CFAP299: variants seen among roughly 807,000 people sequenced by gnomAD.
The protein encoded by CFAP299 is cilia and flagella associated protein 299, also known as cilia- and flagella-associated protein 299.
Under a neutral mutation model 27.0 loss-of-function variants are expected in CFAP299, and 21 were observed. The ratio of observed to expected loss-of-function variants is 0.78; its 90% CI spans 0.55 to 1.12. The LOEUF (loss-of-function observed/expected upper bound fraction) is 1.12. Ranked by LOEUF, CFAP299 falls within the 50% of genes most tolerant of loss-of-function variation. The probability of loss-of-function intolerance (pLI) is 0.00; values close to 1 mark genes in which losing one functional copy is unlikely to be tolerated. For missense variants in CFAP299, 310 were observed against 276.6 expected, an observed-to-expected ratio of 1.12 and a Z score of -0.86; for synonymous variants, 104 against 98.1, an observed-to-expected ratio of 1.06 and a Z score of -0.36.
intron 3 of CFAP299, among the ~76,000 whole-genome samples, chr4:80,683,435 G>C (rs962522937): frequency 2.2e-4 from 33 of 152,040 alleles, no homozygotes; most frequent in African/African-American, 7.2e-4. Flanking sequence ...TCATTTCCAA[G>C]GGATGTTTAA....
intron 2 of CFAP299, among the ~76,000 whole-genome samples, chr4:80,561,032 G>A (rs1392512243): frequency 2.0e-5 from 3 of 152,152 alleles, no homozygotes; most frequent in Non-Finnish European, 2.9e-5. Flanking sequence ...CTGGCTTCAG[G>A]TCTGATGCAG....
intron 4 of CFAP299, among the ~76,000 whole-genome samples, chr4:80,900,123 A>AGTGT (rs3038537): frequency 0.079 from 10,975 of 139,626 alleles, 507 homozygotes; most frequent in East Asian, 0.11. Flanking sequence ...AGTGGAAGAA[A>AGTGT]GTGTGTGTGT....
At chr4:80,382,249 C>A (rs1724737915) in intron 2 of CFAP299, among the ~76,000 whole-genome samples, 1 of 152,082 alleles carries the variant, frequency 6.6e-6, no homozygotes, top group African/African-American at 2.4e-5. Flanking sequence ...ATAAAATGGG[C>A]AAATATTTCA....
chr4:80,608,457 C>A, intron 3 of CFAP299: 1 of 821,660 alleles, frequency 1.2e-6, no homozygotes, highest in Non-Finnish European at 2.0e-6. Flanking sequence ...ATATATACTC[C>A]ACTCCAAGGG....
intron 3 of CFAP299, among the ~76,000 whole-genome samples, chr4:80,820,420 G>A (rs931251929): frequency 1.2e-4 from 18 of 152,176 alleles, no homozygotes; most frequent in African/African-American, 4.3e-4. Context: ...AGGAGTAAAG[G>A]AGAGATGGAT....
chr4:80,959,500 A>C (rs886434656), intron 5 of CFAP299, among the ~76,000 whole-genome samples: 29 of 152,220 alleles, frequency 1.9e-4, no homozygotes, highest in African/African-American at 6.5e-4. Context: ...AGTAAAGCAG[A>C]AAGGGCAATG....
chr4:80,625,249 G>A (rs146848446), intron 3 of CFAP299, among the ~76,000 whole-genome samples: 137 of 152,096 alleles, frequency 9.0e-4, no homozygotes, highest in Non-Finnish European at 1.6e-3. Flanking sequence ...GGTTTGGGGA[G>A]TGGAGTAAAA....
chr4:80,934,511 A>G (rs1244030397), intron 4 of CFAP299, among the ~76,000 whole-genome samples: 1 of 151,766 alleles, frequency 6.6e-6, no homozygotes, highest in African/African-American at 2.4e-5. Context: ...GTTTGGAAGC[A>G]TTCACAAGTG....
chr4:80,876,072 G>T lies in CFAP299; in HGVS notation c.476+5937G>T, dbSNP rs1432250885. On this transcript the variant is annotated intron_variant, in intron 4 of 5. Coordinates refer to ENST00000358105, the MANE Select transcript of CFAP299 (RefSeq NM_152770.3). ...ATGATGTTAACTGAGCACTTACTGTGCATAGTACTAATTAATAACTAAAGC... is the reference window on the plus strand; with the variant it reads ...ATGATGTTAACTGAGCACTTACTGTTCATAGTACTAATTAATAACTAAAGC... Among the ~76,000 whole-genome samples the T allele has an allele frequency of 2.0e-5, 3 of 151,080 alleles. No individual in the cohort carries two copies. The East Asian group carries it at 5.8e-4, about 29-fold the overall frequency.
rs1369143485 is a variant in CFAP299, at chr4:80,691,446, A to C, written c.333+108263A>C. Among the ~76,000 whole-genome samples the C allele has an allele frequency of 2.0e-5, 3 of 151,850 alleles. No individual in the cohort carries two copies. In the South Asian group the frequency reaches 6.3e-4, roughly 32 times the overall value. On this transcript the variant is annotated intron_variant, in intron 3 of 5. Coordinates refer to ENST00000358105, the MANE Select transcript of CFAP299 (RefSeq NM_152770.3). ...AAACAGAACCAAAGACAAAAACCAC[A>C]TGATTATCTCAATAGATGCAGAAAA...
At chr4:80,951,691 G>A (rs1008834563) in intron 5 of CFAP299, among the ~76,000 whole-genome samples, 1 of 152,084 alleles carries the variant, frequency 6.6e-6, no homozygotes, top group Non-Finnish European at 1.5e-5. Flanking sequence ...GCCTCTTCAG[G>A]TAACCCTAAA....
At chr4:80,731,550 A>G (rs1560722230) in intron 3 of CFAP299, among the ~76,000 whole-genome samples, 2 of 152,122 alleles carry the variant, frequency 1.3e-5, no homozygotes, top group South Asian at 4.1e-4. Flanking sequence ...TTTTGTTTTC[A>G]CTTAATCCCC....
At chr4:80,735,397 ACTT>A (rs917734759) in intron 3 of CFAP299, among the ~76,000 whole-genome samples, 1 of 152,034 alleles carries the variant, frequency 6.6e-6, no homozygotes, top group African/African-American at 2.4e-5. Flanking sequence ...GGATAATTTG[ACTT>A]CTTCTTTTCC....
intron 3 of CFAP299, among the ~76,000 whole-genome samples, chr4:80,671,061 G>A (rs1741450264): frequency 6.6e-6 from 1 of 152,156 alleles, no homozygotes; most frequent in Admixed American, 6.5e-5. Context: ...TGAAGTCCTT[G>A]CCCATGCCTA....
chr4:80,816,246 A>G lies in CFAP299; in HGVS notation c.334-53747A>G, dbSNP rs867460534. Reference sequence around the variant, plus strand: ...GCAGATAATTTGTAAATGGTTATGGATGAGATTCTTCCAAATCTAGAGCCA... The same window carrying G: ...GCAGATAATTTGTAAATGGTTATGGGTGAGATTCTTCCAAATCTAGAGCCA... On this transcript the variant is annotated intron_variant, in intron 3 of 5. Transcript: ENST00000358105. 2.0e-5 allele frequency among the ~76,000 whole-genome samples: 3 copies of G among 152,260 alleles called. No homozygotes were observed. In the South Asian group the frequency reaches 6.2e-4, roughly 32 times the overall value.
At chr4:80,840,963 T>A (rs147128233) in intron 3 of CFAP299, among the ~76,000 whole-genome samples, 2 of 152,192 alleles carry the variant, frequency 1.3e-5, no homozygotes, top group African/African-American at 4.8e-5. Context: ...TAGAAGTAGA[T>A]GTTTTCACTC....
At chr4:80,599,660 T>C (rs967913953) in intron 3 of CFAP299, among the ~76,000 whole-genome samples, 4 of 152,110 alleles carry the variant, frequency 2.6e-5, no homozygotes, top group African/African-American at 9.7e-5. Flanking sequence ...TTCAAAACTC[T>C]CTTAGGTTAC....
chr4:80,628,155 A>T (rs1357046829), intron 3 of CFAP299, among the ~76,000 whole-genome samples: 1 of 152,098 alleles, frequency 6.6e-6, no homozygotes, highest in East Asian at 1.9e-4. Flanking sequence ...CAATTAAACA[A>T]TAGAGAGCAC....
chr4:80,948,839 T>C (rs938549219), intron 5 of CFAP299, among the ~76,000 whole-genome samples: 1 of 151,996 alleles, frequency 6.6e-6, no homozygotes, highest in Non-Finnish European at 1.5e-5. Context: ...ATAACAATAA[T>C]AATAATAGTA....
Sources: gnomAD v4.1 joint callset for allele counts (sites outside exome capture counted in the v4.1 genomes callset) on GRCh38, gnomAD v4.1.1 for gene constraint, MANE v1.5 for transcripts, NCBI Gene and HGNC (gene_info 2026-07-23, HGNC 2026-07-21) for gene names.